The following DAB2IP variants were observed in gnomAD, a reference collection of about 807,000 sequenced individuals.
DAB2IP encodes the protein DAB2 interacting protein.
Under a neutral mutation model 107.2 loss-of-function variants are expected in DAB2IP, and 28 were observed. The ratio of observed to expected loss-of-function variants is 0.26; its 90% CI spans 0.19 to 0.36. The LOEUF is 0.36. DAB2IP is among the 10% of genes least tolerant of loss of function. The probability of loss-of-function intolerance (pLI) is 1.00; values close to 1 mark genes in which losing one functional copy is unlikely to be tolerated. For missense variants in DAB2IP, 1,400 were observed against 1,644.7 expected (o/e 0.85, Z 2.57); for synonymous variants, 755 against 706.4 (o/e 1.07, Z -1.09).
intron 1 of DAB2IP, among the ~76,000 whole-genome samples, chr9:121,673,712 T>C (rs1833774332): frequency 6.6e-6 from 1 of 152,170 alleles, no homozygotes; most frequent in Non-Finnish European, 1.5e-5. Context: ...ATTAACTTTG[T>C]GTTTAGAGCT....
chr9:121,749,772 C>G (rs1041456393), intron 3 of DAB2IP, among the ~76,000 whole-genome samples: 4 of 152,286 alleles, frequency 2.6e-5, no homozygotes, highest in East Asian at 3.9e-4. Flanking sequence ...TATGATTGAT[C>G]CCCATTTTGC....
chr9:121,695,968 A>AAG (rs1829404354), intron 2 of DAB2IP, among the ~76,000 whole-genome samples: 1 of 152,134 alleles, frequency 6.6e-6, no homozygotes, highest in South Asian at 2.1e-4. Context: ...TCCTGGGTTC[A>AAG]TGCAATTCTC....
chr9:121,758,875 ACT>A (rs780771429), intron 4 of DAB2IP, 21 bp from the exon 5 acceptor site: 16 of 1,607,934 alleles, frequency 1.0e-5, no homozygotes, highest in Non-Finnish European at 1.4e-5. Context: ...CCCTCATAAC[ACT>A]GTCTTGCCTG....
chr9:121,603,202 C>T (rs1830750323), intron 1 of DAB2IP, among the ~76,000 whole-genome samples: 1 of 152,210 alleles, frequency 6.6e-6, no homozygotes, highest in African/African-American at 2.4e-5. Flanking sequence ...TTTTCAATCT[C>T]CATCCCTTCC....
intron 1 of DAB2IP, among the ~76,000 whole-genome samples, chr9:121,623,595 TG>T (rs1295573884): frequency 1.3e-5 from 2 of 152,192 alleles, no homozygotes; most frequent in Non-Finnish European, 2.9e-5. Context: ...CTTGAACTGC[TG>T]GGCCTCAAGC....
At chr9:121,687,783 T>C (rs1589517844) in intron 2 of DAB2IP, among the ~76,000 whole-genome samples, 1 of 152,146 alleles carries the variant, frequency 6.6e-6, no homozygotes, top group Admixed American at 6.5e-5. Flanking sequence ...AGTGAAGAGA[T>C]AGCTGAGGGT....
Position 121,651,969 on chromosome 9 carries a change from G to C in DAB2IP, c.124+70G>C. 8.4e-7 allele frequency: 1 copy of C among 1,195,348 alleles called. No individual in the cohort carries two copies. The highest frequency in any genetic ancestry group is 1.1e-6 in the Non-Finnish European group (1 of 949,082). The allele number at this position is 1,195,348 out of a possible 1,614,324, so 74.0% of individuals were successfully genotyped here. On this transcript the variant is annotated intron_variant, in intron 1 of 15. Transcript: ENST00000408936. The surrounding 1 kb of genome is among the most constrained non-coding windows in gnomAD (Gnocchi z 5.1). ...ACTAAGCCACCTGATGCCCTGGGAT[G>C]CTAGGGACCGGGATCCTCCTTCCAG...
intron 3 of DAB2IP, among the ~76,000 whole-genome samples, chr9:121,726,517 A>G (rs976652107): frequency 1.3e-5 from 2 of 152,244 alleles, no homozygotes; most frequent in Non-Finnish European, 2.9e-5. Flanking sequence ...TGGTAAACCA[A>G]CACGGGGCTT....
At position 121,658,798 on chromosome 9, in the gene DAB2IP, C is replaced by A. The variant is rs529941424; in HGVS notation, c.124+6899C>A. Among the ~76,000 whole-genome samples the A allele has an allele frequency of 2.6e-5, 4 of 152,298 alleles. No individual in the cohort carries two copies. In the East Asian group the frequency reaches 7.7e-4, roughly 29 times the overall value. Reference sequence around the variant, plus strand: ...TCACGCCCTTGGAAATGCGGCGGTGCTCAGTCTCCGAATCTCAGATCCACA... The same window carrying A: ...TCACGCCCTTGGAAATGCGGCGGTGATCAGTCTCCGAATCTCAGATCCACA... On this transcript the variant is annotated intron_variant, in intron 1 of 15. Coordinates refer to ENST00000408936, the Ensembl canonical transcript of DAB2IP.
rs943125042 is a variant in DAB2IP, at chr9:121,782,213, C to T, written c.3403-118C>T. The T allele has an allele frequency of 1.5e-5, 22 of 1,487,392 alleles. No homozygotes were observed. The highest frequency in any genetic ancestry group is 5.6e-5 in the African/African-American group (4 of 71,558). The allele number at this position is 1,487,392 out of a possible 1,614,324, so 92.1% of individuals were successfully genotyped here. On this transcript the variant is annotated intron_variant, in intron 15 of 15. Coordinates refer to ENST00000408936, the Ensembl canonical transcript of DAB2IP. This position sits in a 1 kb window ranked among gnomAD's most constrained non-coding sequence, Gnocchi z 6.1. ...CTTCTCTTGCCAGCTGCTCACAGCC[C>T]GGAGCCTGCCTGCCACCCTCATCTC...
At chr9:121,716,133 A>G (rs2118796738) in intron 3 of DAB2IP, among the ~76,000 whole-genome samples, 1 of 152,314 alleles carries the variant, frequency 6.6e-6, no homozygotes, top group African/African-American at 2.4e-5. Context: ...AGACCCACTC[A>G]AGTGTTGAGA....
chr9:121,759,972 C>T (rs750000351), exon 6 of DAB2IP: 2 of 1,614,206 alleles, frequency 1.2e-6, no homozygotes, highest in South Asian at 2.2e-5. Flanking sequence ...CCTGTGCGAG[C>T]TGTGCCTGGA....
chr9:121,742,553 T>C (rs1238780857), intron 3 of DAB2IP, among the ~76,000 whole-genome samples: 2 of 152,148 alleles, frequency 1.3e-5, no homozygotes, highest in African/African-American at 4.8e-5. Context: ...CAGTCTCTCT[T>C]CCCTTCCTCT....
intron 3 of DAB2IP, among the ~76,000 whole-genome samples, chr9:121,725,871 A>G (rs1306364210): frequency 2.0e-5 from 3 of 152,196 alleles, no homozygotes; most frequent in Non-Finnish European, 1.5e-5. Flanking sequence ...GTAGCTGGGA[A>G]GGATTTTAAG....
At chr9:121,567,989 G>A (rs543473310) in intron 1 of DAB2IP, among the ~76,000 whole-genome samples, 2 of 151,786 alleles carry the variant, frequency 1.3e-5, no homozygotes, top group Admixed American at 1.3e-4. Flanking sequence ...TGTGGCCGAG[G>A]CACCGAGGCT....
chr9:121,723,862 G>A (rs779522330), intron 3 of DAB2IP, among the ~76,000 whole-genome samples: 60 of 152,158 alleles, frequency 3.9e-4, no homozygotes, highest in Non-Finnish European at 7.9e-4. Context: ...CCTTGGCCCT[G>A]CCCACTGCTG....
At chr9:121,744,149 G>C (rs1832552366) in intron 3 of DAB2IP, among the ~76,000 whole-genome samples, 1 of 152,200 alleles carries the variant, frequency 6.6e-6, no homozygotes, top group Admixed American at 6.5e-5. Flanking sequence ...GCTGGGTGGG[G>C]CTGCACTGGG....
At position 121,651,930 on chromosome 9, in the gene DAB2IP, AC is replaced by A; in HGVS notation, c.124+34del. On this transcript the variant is annotated intron_variant, in intron 1 of 15. Coordinates refer to ENST00000408936, the Ensembl canonical transcript of DAB2IP. This position sits in a 1 kb window ranked among gnomAD's most constrained non-coding sequence, Gnocchi z 5.1. ...CGCCACCCCGACCCCTGACCCCTAG[AC>A]CCTCCTAAGGCCACTAAGCCACCTG... 1 of 1,331,634 alleles carries A rather than the reference AC, an allele frequency of 7.5e-7. No individual in the cohort carries two copies. The highest frequency in any genetic ancestry group is 1.9e-5 in the South Asian group (1 of 52,508). The allele number at this position is 1,331,634 out of a possible 1,614,324, so 82.5% of individuals were successfully genotyped here. A position where few individuals can be genotyped will look rare whatever the true frequency, so the allele number is the denominator to read the frequency against.
chr9:121,567,237 G>T, intron 1 of DAB2IP: 1 of 1,614,000 alleles, frequency 6.2e-7, no homozygotes, highest in Middle Eastern at 1.7e-4. Flanking sequence ...CGGTAAGACG[G>T]TGCCAGCAAA....
Sources: gnomAD v4.1 joint callset for allele counts (sites outside exome capture counted in the v4.1 genomes callset) on GRCh38, gnomAD v4.1.1 for gene constraint, Gnocchi (gnomAD v3.1) non-coding constraint, MANE v1.5 for transcripts, NCBI Gene and HGNC (gene_info 2026-07-23, HGNC 2026-07-21) for gene names.